The following AASDH variants were observed in gnomAD, a reference collection of about 807,000 sequenced individuals.
AASDH encodes the protein beta-alanine-activating enzyme.
Under a neutral mutation model 102.3 loss-of-function variants are expected in AASDH, and 81 were observed. The ratio of observed to expected loss-of-function variants is 0.79; its 90% CI spans 0.66 to 0.95. The LOEUF is 0.95. Ranked by LOEUF, AASDH falls within the 40% of genes least tolerant of loss-of-function variation. The pLI is 0.00. For missense variants in AASDH, 1,203 were observed against 1,266.2 expected (o/e 0.95, Z 0.76); for synonymous variants, 398 against 454.0 (o/e 0.88, Z 1.57).
chr4:56,372,048 A>G (rs924508210), intron 4 of AASDH, among the ~76,000 whole-genome samples: 6 of 152,236 alleles, frequency 3.9e-5, no homozygotes, highest in South Asian at 2.1e-4. Context: ...CAGTTATTCA[A>G]TCAAACCCTG....
Position 56,353,481 on chromosome 4 carries a change from T to C in AASDH, c.1499A>G (p.Glu500Gly). 6.2e-7 allele frequency: 1 copy of C among 1,613,984 alleles called. No individual in the cohort carries two copies. The highest frequency in any genetic ancestry group is 1.7e-5 in the Admixed American group (1 of 60,000). Residue 500 changes from glutamate to glycine, a missense_variant, in exon 9 of 15, where the codon GAA (glutamate) becomes GGA (glycine). Glu to Gly is a moderately conservative substitution (Grantham distance 98, BLOSUM62 -2). Transcript: ENST00000205214. ...ATGACTTGGAAGATATTTCTGCAGT[T>C]CTTTAAAGATGTATTCTTTTACTGA... ...DASVKEYIFK[E>G]LQKYLPSHAV... is the part of the protein sequence containing the mutation.
At chr4:56,356,676 C>A in intron 5 of AASDH, 1 of 688,198 alleles carries the variant, frequency 1.5e-6, no homozygotes, top group Non-Finnish European at 2.7e-6. Flanking sequence ...TCCCTTATTG[C>A]ATTATCAAGG....
At chr4:56,355,515 G>T in intron 5 of AASDH, 92 bp from the exon 6 acceptor site, 1 of 1,230,590 alleles carries the variant, frequency 8.1e-7, no homozygotes, top group Non-Finnish European at 1.1e-6. Flanking sequence ...AACATTTGGA[G>T]CCCACATGGA....
chr4:56,371,054 C>T lies in AASDH; in HGVS notation c.861+397G>A, dbSNP rs867109351. ...TTTCTGTAGGTTAATGTAAAGTACA[C>T]TGATGTAAAAATAAGAAAATCTATA... is the stretch of plus-strand genomic sequence containing the variant. On this transcript the variant is annotated intron_variant, in intron 5 of 14. Transcript: ENST00000205214. 2.0e-5 allele frequency among the ~76,000 whole-genome samples: 3 copies of T among 152,234 alleles called. No homozygotes were observed. In the South Asian group the frequency reaches 6.2e-4, roughly 32 times the overall value.
intron 6 of AASDH, 90 bp from the exon 7 acceptor site, chr4:56,354,901 G>A: frequency 2.7e-6 from 3 of 1,111,208 alleles, no homozygotes; most frequent in African/African-American, 1.6e-5. Context: ...ACCAAATAAA[G>A]AAAAAAAAGT....
intron 10 of AASDH, 63 bp from the exon 11 acceptor site, chr4:56,350,121 T>G: frequency 7.7e-7 from 1 of 1,298,612 alleles, no homozygotes; most frequent in South Asian, 1.5e-5. Flanking sequence ...ACTTCAACAT[T>G]TACAGGTAAT....
At chr4:56,346,377 C>A (rs1214697814) in intron 11 of AASDH, among the ~76,000 whole-genome samples, 1 of 152,074 alleles carries the variant, frequency 6.6e-6, no homozygotes, top group Non-Finnish European at 1.5e-5. Flanking sequence ...TAGTAGAGCA[C>A]CCCAGAACTC....
At chr4:56,358,326 T>G (rs1749864908) in intron 5 of AASDH, among the ~76,000 whole-genome samples, 1 of 151,648 alleles carries the variant, frequency 6.6e-6, no homozygotes, top group African/African-American at 2.4e-5. Flanking sequence ...CTGTCCAATG[T>G]AAGTATCTTT....
intron 3 of AASDH, among the ~76,000 whole-genome samples, chr4:56,379,736 A>G (rs766897018): frequency 2.6e-5 from 4 of 152,214 alleles, no homozygotes; most frequent in Non-Finnish European, 4.4e-5. Context: ...TTCATGGGTA[A>G]TATTTGTTAT....
intron 4 of AASDH, among the ~76,000 whole-genome samples, chr4:56,372,808 T>C (rs1158879948): frequency 6.6e-6 from 1 of 152,118 alleles, no homozygotes; most frequent in Non-Finnish European, 1.5e-5. Context: ...TTAATCAAAG[T>C]TTTATGAAAC....
At chr4:56,343,713 T>C in intron 12 of AASDH, 29 bp from the exon 13 acceptor site, 1 of 1,591,814 alleles carries the variant, frequency 6.3e-7, no homozygotes, top group East Asian at 2.3e-5. Context: ...ATTAATTTGT[T>C]CTTGTTGATG....
intron 7 of AASDH, 93 bp downstream of exon 7, chr4:56,354,612 G>A: frequency 1.1e-6 from 1 of 908,876 alleles, no homozygotes; most frequent in South Asian, 1.7e-5. Context: ...AAAAGCATGA[G>A]ATAGACAAAA....
rs1748984398 is a variant in AASDH, at chr4:56,351,418, T to C, written c.1616A>G (p.Asn539Ser). The change falls in exon 10 of 15, where the codon AAC becomes AGC. Residue 539 changes from asparagine to serine, a missense_variant. Physicochemically the swap from Asn to Ser is conservative, Grantham distance 46. Transcript: ENST00000205214. ...DVSELNKIYL[N>S]YINLKSENKL... Reference sequence around the variant, plus strand: ...ATTCTCAGACTTCAAGTTTATGTAGTTTAAATATATCTTGTTTAACTCAGA... The same window carrying C: ...ATTCTCAGACTTCAAGTTTATGTAGCTTAAATATATCTTGTTTAACTCAGA... 1 of 1,600,778 alleles carries C rather than the reference T, an allele frequency of 6.2e-7. No homozygotes were observed. Among genetic ancestry groups the C allele is most frequent in the Non-Finnish European group, 8.5e-7 (1 of 1,171,128 alleles).
chr4:56,358,531 C>A (rs1749893528), intron 5 of AASDH, among the ~76,000 whole-genome samples: 1 of 150,862 alleles, frequency 6.6e-6, no homozygotes, highest in Admixed American at 6.6e-5. Context: ...CTATTCCTAG[C>A]TTGTTAGGAG....
intron 5 of AASDH, among the ~76,000 whole-genome samples, chr4:56,365,938 T>G (rs1057197816): frequency 2.0e-5 from 3 of 152,102 alleles, no homozygotes; most frequent in African/African-American, 7.2e-5. Flanking sequence ...GGAGCTGGTT[T>G]TTTGAAAAGA....
At chr4:56,356,898 AAACG>A (rs1288965787) in intron 5 of AASDH, 80 of 945,730 alleles carry the variant, frequency 8.5e-5, no homozygotes, top group South Asian at 7.7e-4. Flanking sequence ...TCGAAAAGGC[AAACG>A]CTAAAGAACC....
chr4:56,347,032 C>A (rs1029389182), intron 11 of AASDH, among the ~76,000 whole-genome samples: 2 of 147,744 alleles, frequency 1.4e-5, no homozygotes, highest in Non-Finnish European at 3.0e-5. Flanking sequence ...CAGAGCAAGA[C>A]GCTGTCTTAA....
chr4:56,382,538 G>A lies in AASDH; in HGVS notation c.290C>T (p.Ser97Leu). The change falls in exon 3 of 15, where the codon TCA becomes TTA. Residue 97 changes from serine to leucine, a missense_variant. By Grantham distance (145) the Ser-to-Leu change is moderately radical. Transcript: ENST00000205214. Reference protein sequence around the residue: ...PIEPDSPPSLSTHFMKKCNLK... With the variant: ...PIEPDSPPSLLTHFMKKCNLK... ...ATTACATTTTTTCATAAAATGAGTT[G>A]ATAATGACGGTGGTGAATCTGGCTC... The A allele has an allele frequency of 6.2e-7, 1 of 1,607,638 alleles. No homozygotes were observed. Among genetic ancestry groups the A allele is most frequent in the Non-Finnish European group, 8.5e-7 (1 of 1,175,090 alleles).
In AASDH at chr4:56,382,476, C is replaced by T. The variant is rs1244211690; in HGVS notation, c.351+1G>A. On this transcript the variant is annotated splice_donor_variant, in intron 3 of 14. Transcript: ENST00000205214. LOFTEE classifies it high-confidence loss of function. ...AAAACAATTGAAACATCCAGACTTA[C>T]ATTAATTTGTTTTTTTTCAACAAGG... 2.6e-6 allele frequency: 4 copies of T among 1,553,106 alleles called. No homozygotes were observed. The highest frequency in any genetic ancestry group is 1.7e-5 in the Admixed American group (1 of 57,354).
Sources: gnomAD v4.1 joint callset for allele counts (sites outside exome capture counted in the v4.1 genomes callset) on GRCh38, gnomAD v4.1.1 for gene constraint, MANE v1.5 for transcripts, NCBI Gene and HGNC (gene_info 2026-07-23, HGNC 2026-07-21) for gene names.